The following ACOT7 variants were observed in gnomAD, a reference collection of about 807,000 sequenced individuals.
ACOT7 encodes cytosolic acyl coenzyme A thioester hydrolase.
ACOT7 carries 12 observed loss-of-function variants against 40.2 expected under a neutral mutation model. The observed-to-expected ratio is 0.30, with a 90% CI of 0.19 to 0.48. The LOEUF is 0.48. ACOT7 is among the 20% of genes least tolerant of loss of function. ACOT7 has a pLI of 0.99. For synonymous variants in ACOT7, 228 were observed against 219.5 expected (o/e 1.04, Z -0.34); for missense variants, 395 against 530.8 (o/e 0.74, Z 2.51).
intron 2 of ACOT7, among the ~76,000 whole-genome samples, chr1:6,345,634 C>T (rs187435744): frequency 2.0e-5 from 3 of 152,222 alleles, no homozygotes; most frequent in Non-Finnish European, 2.9e-5. Context: ...GGACCATGCC[C>T]GGCATCCAGT....
At chr1:6,326,931 CA>C (rs1163224507) in intron 5 of ACOT7, among the ~76,000 whole-genome samples, 4,159 of 61,148 alleles carry the variant, frequency 0.068, 130 homozygotes, top group African/African-American at 0.17. Context: ...GACTCCAACT[CA>C]AAAAAAAAAA....
chr1:6,319,337 C>T (rs1047471073), intron 5 of ACOT7, among the ~76,000 whole-genome samples: 6 of 152,190 alleles, frequency 3.9e-5, no homozygotes, highest in Non-Finnish European at 8.8e-5. Flanking sequence ...GGATTACAGG[C>T]ATCTGCCAGC....
chr1:6,334,383 A>T (rs532434843), intron 3 of ACOT7, among the ~76,000 whole-genome samples: 4 of 152,368 alleles, frequency 2.6e-5, no homozygotes, highest in Non-Finnish European at 4.4e-5. Context: ...TGGCCCATAC[A>T]GACGTGCAGG....
rs912699918 is a variant in ACOT7 at position 6,325,307 on chromosome 1, A to G, written c.625+1992T>C. On this transcript the variant is annotated intron_variant, in intron 5 of 8. Coordinates refer to ENST00000361521, the MANE Select transcript of ACOT7 (RefSeq NM_007274.4). ...CAGCTACTGGGGAGGCTGAGGCAGG[A>G]GAATGGCGTGAACCCGGGAGGCAGA... is the stretch of plus-strand genomic sequence containing the variant. 2.0e-5 allele frequency among the ~76,000 whole-genome samples: 3 copies of G among 151,962 alleles called. No homozygotes were observed. In the South Asian group the frequency reaches 6.2e-4, roughly 32 times the overall value.
In ACOT7 at chr1:6,301,726, G is replaced by A. The variant is rs1460906072; in HGVS notation, c.713-6746C>T. 4.6e-5 allele frequency among the ~76,000 whole-genome samples: 7 copies of A among 152,336 alleles called. No homozygotes were observed. The East Asian group carries it at 9.6e-4, about 21-fold the overall frequency. On this transcript the variant is annotated intron_variant, in intron 6 of 8. Coordinates refer to ENST00000361521, the MANE Select transcript of ACOT7 (RefSeq NM_007274.4). The surrounding 1 kb of genome is among the most constrained non-coding windows in gnomAD (Gnocchi z 4.1). Reference sequence around the variant, plus strand: ...GTGGCTCCTTCAGGCAACAATTTGCGTCAAGAATTAGTCACAGATGAGGGC... The same window carrying A: ...GTGGCTCCTTCAGGCAACAATTTGCATCAAGAATTAGTCACAGATGAGGGC...
rs544215369 is a variant in ACOT7 at position 6,343,321 on chromosome 1, C to T, written c.262-3732G>A. Among the ~76,000 whole-genome samples, 8 of 152,330 alleles carry T rather than the reference C, an allele frequency of 5.3e-5. No individual in the cohort carries two copies. The South Asian group carries it at 1.4e-3, about 28-fold the overall frequency. ...TGAGGTGGGGTTAACATGCAAGCTC[C>T]GGGGCCCACCCCAAACCCAGCACCT... On this transcript the variant is annotated intron_variant, in intron 2 of 8. Coordinates refer to ENST00000361521, the MANE Select transcript of ACOT7 (RefSeq NM_007274.4).
rs186888136 is a variant in ACOT7 at position 6,391,723 on chromosome 1, T to C, written c.143+1534A>G. On this transcript the variant is annotated intron_variant, in intron 1 of 8. Coordinates refer to ENST00000361521, the MANE Select transcript of ACOT7 (RefSeq NM_007274.4). ...TGTCCCTGGATCTCCTGGAGCAGGA[T>C]GACCTTACACAGTTACTCAACTCCC... Among the ~76,000 whole-genome samples, 170 of 152,296 alleles carry C rather than the reference T, an allele frequency of 1.1e-3. 1 individual carries two copies. Among genetic ancestry groups the C allele is most frequent in the Admixed American group, 2.8e-3 (43 of 15,300 alleles).
At chr1:6,343,749 G>T (rs937059984) in intron 2 of ACOT7, among the ~76,000 whole-genome samples, 4 of 152,286 alleles carry the variant, frequency 2.6e-5, no homozygotes, top group Non-Finnish European at 4.4e-5. Context: ...GAAGCCAAGT[G>T]TGTGTTGTTT....
At chr1:6,310,260 C>T (rs553994569) in intron 6 of ACOT7, among the ~76,000 whole-genome samples, 1 of 152,310 alleles carries the variant, frequency 6.6e-6, no homozygotes, top group African/African-American at 2.4e-5. Context: ...GAGGGCAGAC[C>T]TCAGGGGCAC....
At chr1:6,286,897 G>A (rs151259157) in intron 7 of ACOT7, among the ~76,000 whole-genome samples, 4 of 152,192 alleles carry the variant, frequency 2.6e-5, no homozygotes, top group African/African-American at 9.7e-5. Flanking sequence ...CAGGGGCACC[G>A]CTGGAGAGGC....
chr1:6,367,660 C>T (rs1444568720), intron 1 of ACOT7, among the ~76,000 whole-genome samples: 5 of 152,166 alleles, frequency 3.3e-5, no homozygotes, highest in Admixed American at 6.5e-5. Context: ...AGCTTGGTGA[C>T]GCCAGGAACT....
In ACOT7 at chr1:6,355,414, G is replaced by A. The variant is rs1464081740; in HGVS notation, c.144-5548C>T. Among the ~76,000 whole-genome samples the A allele has an allele frequency of 6.6e-6, 1 of 152,214 alleles. No individual in the cohort carries two copies. Among genetic ancestry groups the A allele is most frequent in the East Asian group, 1.9e-4 (1 of 5,190 alleles). On this transcript the variant is annotated intron_variant, in intron 1 of 8. Transcript: ENST00000361521. This position sits in a 1 kb window ranked among gnomAD's most constrained non-coding sequence, Gnocchi z 5.0. ...GAGATGTCCACATAAGGACATAAAA[G>A]CAACAGCCACACATTGGAATATTGC...
intron 3 of ACOT7, among the ~76,000 whole-genome samples, chr1:6,336,852 A>G (rs1327457122): frequency 6.6e-6 from 1 of 152,170 alleles, no homozygotes; most frequent in African/African-American, 2.4e-5. Flanking sequence ...GATGGCAGAG[A>G]AGCAGAAGCA....
chr1:6,327,596 C>G (rs7553799), intron 4 of ACOT7, among the ~76,000 whole-genome samples, 183 bp from the exon 5 acceptor site: 9,102 of 152,184 alleles, frequency 0.06, 793 homozygotes, highest in African/African-American at 0.19. Flanking sequence ...GCTCCACTCC[C>G]CAGAGAGACA....
At chr1:6,329,929 A>G (rs980340996) in intron 4 of ACOT7, among the ~76,000 whole-genome samples, 1 of 152,040 alleles carries the variant, frequency 6.6e-6, no homozygotes, top group Non-Finnish European at 1.5e-5. Context: ...TTCCCTGCTC[A>G]CTGGGAAAGC....
In ACOT7 at chr1:6,358,804, A is replaced by ACTGG. The variant is rs1463298508; in HGVS notation, c.144-8939_144-8938insCCAG. 1.9e-6 allele frequency: 3 copies of ACTGG among 1,611,766 alleles called. No individual in the cohort carries two copies. The highest frequency in any genetic ancestry group is 2.5e-6 in the Non-Finnish European group (3 of 1,177,988). The stretch of plus-strand genomic sequence containing the variant: ...CCACAGTGGCCCCTGCACGGCCTAG[A>ACTGG]CATGCCCATGACTGGCAGTACCTGC... On this transcript the variant is annotated intron_variant, in intron 1 of 8. Transcript: ENST00000361521. This position sits in a 1 kb window ranked among gnomAD's most constrained non-coding sequence, Gnocchi z 4.1.
intron 1 of ACOT7, among the ~76,000 whole-genome samples, chr1:6,377,509 A>G (rs1013942661): frequency 3.9e-5 from 6 of 152,204 alleles, no homozygotes; most frequent in Non-Finnish European, 7.3e-5. Context: ...GTCAGATAAC[A>G]TGGGTCAATT....
At chr1:6,387,711 G>A (rs1437788366) in intron 1 of ACOT7, among the ~76,000 whole-genome samples, 5 of 152,180 alleles carry the variant, frequency 3.3e-5, no homozygotes, top group Non-Finnish European at 7.3e-5. Context: ...AGCTGCAGGT[G>A]CCAATTCCAG....
At chr1:6,280,525 G>A (rs983008853) in intron 8 of ACOT7, among the ~76,000 whole-genome samples, 7 of 152,182 alleles carry the variant, frequency 4.6e-5, no homozygotes, top group Admixed American at 3.3e-4. Flanking sequence ...GCCTGCACAC[G>A]CCCACCCCAC....
Sources: gnomAD v4.1 joint callset for allele counts (sites outside exome capture counted in the v4.1 genomes callset) on GRCh38, gnomAD v4.1.1 for gene constraint, Gnocchi (gnomAD v3.1) non-coding constraint, MANE v1.5 for transcripts, NCBI Gene and HGNC (gene_info 2026-07-23, HGNC 2026-07-21) for gene names.